AMZ1: variants seen among roughly 807,000 people sequenced by gnomAD.
The protein encoded by AMZ1 is archaemetzincin-1.
Under a neutral mutation model 29.9 loss-of-function variants are expected in AMZ1, and 39 were observed. That is an observed-to-expected ratio of 1.30 (90% CI 1.01 to 1.70). The LOEUF (loss-of-function observed/expected upper bound fraction) is 1.70, where lower values mean the gene tolerates loss of function less well. Among genes scored for constraint, AMZ1 ranks in the 40% most tolerant of loss-of-function variants. AMZ1 has a pLI of 0.00. For missense variants in AMZ1, 1,041 were observed against 680.6 expected, an observed-to-expected ratio of 1.53 and a Z score of -5.89; for synonymous variants, 458 against 304.0, an observed-to-expected ratio of 1.51 and a Z score of -5.27.
Position 2,712,826 on chromosome 7 carries a change from A to C in AMZ1, c.1445A>C (p.Lys482Thr). The change falls in exon 7 of 7, where the codon AAA becomes ACA. Residue 482 changes from lysine (K) to threonine (T), a missense_variant. Coordinates refer to ENST00000683327, the MANE Select transcript of AMZ1 (RefSeq NM_001384743.1). The part of the protein sequence containing the change: ...SSLRRKLSAR[K>T]LARAESAPRP... Reference sequence around the variant, plus strand: ...CTGAGGAGGAAGCTGAGTGCCCGAAAACTCGCCAGAGCAGAGTCGGCCCCC... The same window carrying C: ...CTGAGGAGGAAGCTGAGTGCCCGAACACTCGCCAGAGCAGAGTCGGCCCCC... 6.5e-7 allele frequency: 1 copy of C among 1,536,114 alleles called. No individual in the cohort carries two copies.
rs1788896348 is a variant in AMZ1, at chr7:2,712,922, C to T, written c.*44C>T. The T allele has an allele frequency of 6.7e-7, 1 of 1,495,518 alleles. No individual in the cohort carries two copies. Among genetic ancestry groups the T allele is most frequent in the South Asian group, 1.4e-5 (1 of 72,342 alleles). The allele number at this position is 1,495,518 out of a possible 1,614,324, so 92.6% of individuals were successfully genotyped here. Reference sequence around the variant, plus strand: ...ACGTCTCCTTCCCTAAGGATGCTGGCCAGCACTGTCCAGTAGCTGAGGCCA... The same window carrying T: ...ACGTCTCCTTCCCTAAGGATGCTGGTCAGCACTGTCCAGTAGCTGAGGCCA... On this transcript the variant is annotated 3_prime_UTR_variant, in exon 7 of 7. Transcript: ENST00000683327.
chr7:2,700,732 A>C lies in AMZ1; in HGVS notation c.281A>C (p.Lys94Thr), dbSNP rs1380162644. The C allele has an allele frequency of 7.4e-6, 12 of 1,612,962 alleles. No individual in the cohort carries two copies. Among genetic ancestry groups the C allele is most frequent in the South Asian group, 1.1e-5 (1 of 91,062 alleles). Reference sequence around the variant, plus strand: ...CACCGGAAGCCCCGCCTGGCTCGGAAGCACATCTACCTACAGCCGATAGGT... The same window carrying C: ...CACCGGAAGCCCCGCCTGGCTCGGACGCACATCTACCTACAGCCGATAGGT... ...LQHRKPRLAR[K>T]HIYLQPIDLS... Residue 94 changes from lysine to threonine, a missense_variant, in exon 2 of 7, where the codon AAG (lysine) becomes ACG (threonine). Lys to Thr is a moderately conservative substitution (Grantham distance 78). Coordinates refer to ENST00000683327, the MANE Select transcript of AMZ1 (RefSeq NM_001384743.1).
In AMZ1 at chr7:2,718,909, G is replaced by C. The variant is rs1321506987; in HGVS notation, c.*6031G>C. Among the ~76,000 whole-genome samples, 1 of 152,188 alleles carries C rather than the reference G, an allele frequency of 6.6e-6. No homozygotes were observed. Among genetic ancestry groups the C allele is most frequent in the African/African-American group, 2.4e-5 (1 of 41,452 alleles). ...GAGGCAGAGAACACGCTTTTCTCAG[G>C]GTCGCTTAACACAGGCAGGGGTACA... On this transcript the variant is annotated 3_prime_UTR_variant, in exon 7 of 7. Transcript: ENST00000683327.
At chr7:2,762,019 A>G (rs908862499), upstream of AMZ1, among the ~76,000 whole-genome samples, 9 of 152,226 alleles carry the variant, frequency 5.9e-5, no homozygotes, top group Non-Finnish European at 1.2e-4. Context: ...CTCACACAGA[A>G]CACTCGCAGA....
chr7:2,697,254 G>A (rs775672385), intron 1 of AMZ1, among the ~76,000 whole-genome samples: 22 of 151,942 alleles, frequency 1.4e-4, no homozygotes, highest in Non-Finnish European at 2.5e-4. Context: ...GTGTCACCAC[G>A]CCCGGCTAAT....
intron 4 of AMZ1, chr7:2,730,970 GC>G: frequency 1.9e-6 from 1 of 525,958 alleles, no homozygotes; most frequent in Non-Finnish European, 3.4e-6. Context: ...AGTTTCACTC[GC>G]CCCCAGGATT....
chr7:2,690,241 C>T (rs1414358041), intron 1 of AMZ1, among the ~76,000 whole-genome samples: 1 of 152,028 alleles, frequency 6.6e-6, no homozygotes, highest in African/African-American at 2.4e-5. Context: ...GACAGACAGA[C>T]AGGGTCTTGC....
chr7:2,720,490 G>A (rs798552), downstream of AMZ1, among the ~76,000 whole-genome samples: 37,988 of 151,796 alleles, frequency 0.25, 5,254 homozygotes, highest in Non-Finnish European at 0.29. Flanking sequence ...TGCAACCTCC[G>A]CCTTCTGGGT....
chr7:2,686,670 T>C (rs1405565767), upstream of AMZ1, among the ~76,000 whole-genome samples: 2 of 152,090 alleles, frequency 1.3e-5, no homozygotes, highest in African/African-American at 2.4e-5. Flanking sequence ...TTCATAATTT[T>C]CCAAATTTTG....
At chr7:2,705,847 G>A (rs939183799) in intron 3 of AMZ1, among the ~76,000 whole-genome samples, 19 of 152,196 alleles carry the variant, frequency 1.2e-4, no homozygotes, top group Non-Finnish European at 2.4e-4. Flanking sequence ...AAACACAGCC[G>A]GGGACCCCGT....
rs1460725780 is a variant in AMZ1 at position 2,748,197 on chromosome 7, G to A, written n.551-16515G>A. Among the ~76,000 whole-genome samples, 19 of 150,730 alleles carry A rather than the reference G, an allele frequency of 1.3e-4. 1 individual carries two copies. Among genetic ancestry groups the A allele is most frequent in the African/African-American group, 4.9e-5 (2 of 41,058 alleles). On this transcript the variant is annotated intron_variant and non_coding_transcript_variant, in intron 4 of 4. Coordinates refer to the AMZ1 transcript ENST00000489665. ...ATGGAACCAAAAAAGAGCCTGCATC[G>A]CCAAGTCAATCCTAAGCCAAAAGAA...
intron 6 of AMZ1, among the ~76,000 whole-genome samples, chr7:2,711,483 CTG>C (rs1163532921): frequency 6.6e-6 from 1 of 152,236 alleles, no homozygotes; most frequent in Non-Finnish European, 1.5e-5. Flanking sequence ...CCTTGTTAAA[CTG>C]TGTGTCCCCT....
intron 4 of AMZ1, among the ~76,000 whole-genome samples, chr7:2,754,170 T>C (rs559174270): frequency 6.6e-6 from 1 of 152,322 alleles, no homozygotes; most frequent in East Asian, 1.9e-4. Flanking sequence ...TGTTAATAGG[T>C]GTGTAGTGCT....
At chr7:2,702,954 G>A (rs1788146248) in intron 3 of AMZ1, 65 bp downstream of exon 3, 3 of 1,498,048 alleles carry the variant, frequency 2.0e-6, no homozygotes, top group Non-Finnish European at 2.7e-6. Flanking sequence ...AGAGGTGGGA[G>A]GAAGGCGCCC....
intron 6 of AMZ1, among the ~76,000 whole-genome samples, 198 bp downstream of exon 6, chr7:2,710,014 C>G (rs1280332819): frequency 6.6e-6 from 1 of 152,212 alleles, no homozygotes; most frequent in East Asian, 1.9e-4. Flanking sequence ...CGAGTCCTGC[C>G]AGGGCCCGCG....
upstream of AMZ1, among the ~76,000 whole-genome samples, chr7:2,763,654 C>G (rs1209760617): frequency 6.6e-6 from 1 of 152,236 alleles, no homozygotes; most frequent in Admixed American, 6.5e-5. Flanking sequence ...TTCCCAAGGA[C>G]AAGCATCTAA....
intron 1 of AMZ1, among the ~76,000 whole-genome samples, chr7:2,681,127 G>A (rs745926721): frequency 1.6e-4 from 25 of 152,252 alleles, no homozygotes; most frequent in Non-Finnish European, 3.1e-4. Context: ...GGGCTGGAGC[G>A]GGGCCATGGC....
At chr7:2,741,162 G>A (rs1323633925) in intron 4 of AMZ1, among the ~76,000 whole-genome samples, 1 of 152,224 alleles carries the variant, frequency 6.6e-6, no homozygotes, top group East Asian at 1.9e-4. Context: ...AAATTTTACA[G>A]TATGTTTTAA....
intron 1 of AMZ1, among the ~76,000 whole-genome samples, chr7:2,688,563 C>T (rs774271675): frequency 3.3e-4 from 51 of 152,322 alleles, no homozygotes; most frequent in Non-Finnish European, 5.3e-4. Flanking sequence ...GGGCCACGCG[C>T]CCCCTCCCCG....
Sources: allele counts gnomAD v4.1 joint callset (sites outside exome capture counted in the v4.1 genomes callset), GRCh38; gene constraint gnomAD v4.1.1; transcripts MANE v1.5; gene names NCBI Gene and HGNC (gene_info 2026-07-23, HGNC 2026-07-21).